Variants in DPP10 observed in about 807,000 individuals in gnomAD.
The protein encoded by DPP10 is inactive dipeptidyl peptidase 10.
DPP10 carries 33 observed loss-of-function variants against 120.9 expected under a neutral mutation model. The ratio of observed to expected loss-of-function variants is 0.27; its 90% confidence interval spans 0.21 to 0.37. The LOEUF (loss-of-function observed/expected upper bound fraction) is 0.37. DPP10 is among the 10% of genes least tolerant of loss of function. The pLI is 1.00. For missense variants in DPP10, 816 were observed against 942.8 expected (o/e 0.87, Z 1.76); for synonymous variants, 337 against 326.1 (o/e 1.03, Z -0.36).
chr2:115,592,475 A>T (rs938197767), intron 5 of DPP10, among the ~76,000 whole-genome samples: 2 of 151,992 alleles, frequency 1.3e-5, no homozygotes, highest in Admixed American at 1.3e-4. Flanking sequence ...CATGCCTGTA[A>T]TCCTAGCACT....
At chr2:115,302,024 A>G (rs1253521629) in intron 1 of DPP10, among the ~76,000 whole-genome samples, 3 of 152,042 alleles carry the variant, frequency 2.0e-5, no homozygotes, top group Non-Finnish European at 4.4e-5. Context: ...CACAGGCTTA[A>G]CAGGAAGTAT....
intron 19 of DPP10, among the ~76,000 whole-genome samples, chr2:115,796,685 A>G (rs1684567767): frequency 1.3e-5 from 2 of 151,918 alleles, no homozygotes; most frequent in South Asian, 2.1e-4. Flanking sequence ...TCTTTTTACA[A>G]TTTTTTTACT....
At chr2:115,676,591 G>A (rs1336801226) in intron 5 of DPP10, among the ~76,000 whole-genome samples, 2 of 152,018 alleles carry the variant, frequency 1.3e-5, no homozygotes, top group Non-Finnish European at 2.9e-5. Flanking sequence ...AAATTAAGTA[G>A]AAGAAAGAAT....
chr2:114,582,896 C>G (rs995978091), intron 1 of DPP10, among the ~76,000 whole-genome samples: 20 of 152,116 alleles, frequency 1.3e-4, no homozygotes, highest in African/African-American at 4.6e-4. Flanking sequence ...ACAGGTTTGA[C>G]TTGTGTACGT....
chr2:114,745,846 C>T lies in DPP10; in HGVS notation c.60+303008C>T, dbSNP rs544062105. On this transcript the variant is annotated intron_variant, in intron 1 of 25. Coordinates refer to ENST00000410059, the MANE Select transcript of DPP10 (RefSeq NM_020868.6). ...AAGTCAGGAGGCCTCTGGAACTGGC[C>T]GTGTGAGCCTCTGTTCACGTAGTCC... 7.6e-4 allele frequency among the ~76,000 whole-genome samples: 116 copies of T among 152,282 alleles called. No homozygotes were observed. The Middle Eastern group carries it at 0.014, about 18-fold the overall frequency.
intron 1 of DPP10, among the ~76,000 whole-genome samples, chr2:114,938,992 C>T (rs1696691369): frequency 6.6e-6 from 1 of 152,024 alleles, no homozygotes; most frequent in African/African-American, 2.4e-5. Context: ...ACTTTCCTGT[C>T]ACTTCATATG....
chr2:114,912,566 A>G (rs1241128309), intron 1 of DPP10, among the ~76,000 whole-genome samples: 1 of 152,166 alleles, frequency 6.6e-6, no homozygotes, highest in East Asian at 1.9e-4. Context: ...AAGACCATCA[A>G]GTAGACTAGC....
intron 3 of DPP10, among the ~76,000 whole-genome samples, chr2:115,472,584 A>G (rs1450185318): frequency 1.3e-5 from 2 of 152,176 alleles, no homozygotes; most frequent in African/African-American, 2.4e-5. Context: ...CCTAATTGCT[A>G]CCTTTGTTCA....
chr2:115,339,153 A>C (rs2063314961), intron 2 of DPP10, among the ~76,000 whole-genome samples: 1 of 152,194 alleles, frequency 6.6e-6, no homozygotes, highest in Non-Finnish European at 1.5e-5. Flanking sequence ...TGGGCGAATG[A>C]CATGAACAGA....
chr2:114,783,554 C>A (rs1229124815), intron 1 of DPP10, among the ~76,000 whole-genome samples: 1 of 152,124 alleles, frequency 6.6e-6, no homozygotes. Flanking sequence ...TGTTTCCCAT[C>A]TGCCTGGCAT....
At chr2:114,985,511 C>A (rs2104887283) in intron 1 of DPP10, among the ~76,000 whole-genome samples, 1 of 152,186 alleles carries the variant, frequency 6.6e-6, no homozygotes. Context: ...AAGTGTGCAC[C>A]CTACGTTGAG....
intron 1 of DPP10, among the ~76,000 whole-genome samples, chr2:115,007,740 A>G (rs1372008851): frequency 6.6e-6 from 1 of 151,530 alleles, no homozygotes; most frequent in African/African-American, 2.4e-5. Flanking sequence ...CTCAGGATAC[A>G]AAATCAATGT....
intron 1 of DPP10, among the ~76,000 whole-genome samples, chr2:114,690,599 A>AT (rs1559006972): frequency 1.3e-5 from 2 of 151,928 alleles, no homozygotes; most frequent in Non-Finnish European, 2.9e-5. Flanking sequence ...ATATACAAAT[A>AT]TTTTTTCTAA....
intron 1 of DPP10, among the ~76,000 whole-genome samples, chr2:115,079,372 C>CA (rs57960886): frequency 8.4e-4 from 123 of 146,472 alleles, no homozygotes; most frequent in Middle Eastern, 3.6e-3. Flanking sequence ...TCTCAAAAAA[C>CA]AAAAAAAAAG....
At chr2:115,270,989 A>G (rs977617922) in intron 1 of DPP10, among the ~76,000 whole-genome samples, 1 of 152,216 alleles carries the variant, frequency 6.6e-6, no homozygotes, top group Non-Finnish European at 1.5e-5. Flanking sequence ...GTCAAAATTA[A>G]TCATTGATAT....
chr2:115,028,368 C>G (rs954262126), intron 1 of DPP10, among the ~76,000 whole-genome samples: 4 of 151,980 alleles, frequency 2.6e-5, no homozygotes, highest in African/African-American at 7.2e-5. Context: ...TAGGAACATA[C>G]TGTTGACTTT....
chr2:114,616,906 T>A lies in DPP10; in HGVS notation c.60+174068T>A, dbSNP rs564956039. 3.3e-5 allele frequency among the ~76,000 whole-genome samples: 5 copies of A among 152,216 alleles called. No individual in the cohort carries two copies. In the South Asian group the frequency reaches 1.0e-3, roughly 32 times the overall value. ...CCATAATACAGCATATGATGACACA[T>A]CAACTTCTCAGCATGACCTATGAAG... On this transcript the variant is annotated intron_variant, in intron 1 of 25. Transcript: ENST00000410059.
At chr2:115,712,340 G>C (rs1438159179) in intron 7 of DPP10, among the ~76,000 whole-genome samples, 1 of 150,734 alleles carries the variant, frequency 6.6e-6, no homozygotes, top group Non-Finnish European at 1.5e-5. Flanking sequence ...CGGAGCTCAA[G>C]CAGGAATGTG....
chr2:115,092,967 G>A (rs1343855686), intron 1 of DPP10, among the ~76,000 whole-genome samples: 1 of 152,150 alleles, frequency 6.6e-6, no homozygotes, highest in Non-Finnish European at 1.5e-5. Context: ...TGTTGTAGAA[G>A]TTGTTAATAA....
Sources: allele counts gnomAD v4.1 joint callset (sites outside exome capture counted in the v4.1 genomes callset), GRCh38; gene constraint gnomAD v4.1.1; transcripts MANE v1.5; gene names NCBI Gene and HGNC (gene_info 2026-07-23, HGNC 2026-07-21).